The following ZRANB3 variants were observed in gnomAD, a reference collection of about 807,000 sequenced individuals.
ZRANB3 encodes zinc finger RANBP2-type containing 3.
A neutral mutation model predicts 133.8 loss-of-function variants in ZRANB3; 125 were observed. The ratio of observed to expected loss-of-function variants is 0.93; its 90% confidence interval spans 0.81 to 1.08. The LOEUF (loss-of-function observed/expected upper bound fraction) is 1.08, where lower values mean the gene tolerates loss of function less well. Ranked by LOEUF, ZRANB3 falls within the 50% of genes least tolerant of loss-of-function variation. The probability of loss-of-function intolerance (pLI) is 0.00; values close to 1 mark genes in which losing one functional copy is unlikely to be tolerated. For synonymous variants in ZRANB3, 387 were observed against 432.7 expected (o/e 0.89, Z 1.31); for missense variants, 1,229 against 1,275.5 (o/e 0.96, Z 0.56).
chr2:135,435,214 C>T (rs554181682), intron 2 of ZRANB3, among the ~76,000 whole-genome samples: 11 of 150,752 alleles, frequency 7.3e-5, no homozygotes, highest in South Asian at 2.2e-4. Context: ...CTTATCATTT[C>T]GCTCCCGCTT....
chr2:135,422,181 C>T (rs1279793096), intron 2 of ZRANB3, among the ~76,000 whole-genome samples: 2 of 152,066 alleles, frequency 1.3e-5, no homozygotes, highest in Non-Finnish European at 1.5e-5. Context: ...GTTTTCCTGA[C>T]AGCTACGTTT....
At chr2:135,511,175 A>G (rs767497937) in intron 1 of ZRANB3, 40 of 786,372 alleles carry the variant, frequency 5.1e-5, no homozygotes, top group Non-Finnish European at 8.7e-5. Context: ...GAAGGTTGTT[A>G]CTGGTCACAG....
At chr2:135,483,236 A>G (rs867510658) in intron 2 of ZRANB3, among the ~76,000 whole-genome samples, 1 of 151,940 alleles carries the variant, frequency 6.6e-6, no homozygotes, top group African/African-American at 2.4e-5. Flanking sequence ...GGCTGTGAAT[A>G]CATCTGGTCC....
chr2:135,329,735 T>C (rs1048615326), intron 6 of ZRANB3, among the ~76,000 whole-genome samples: 1 of 152,244 alleles, frequency 6.6e-6, no homozygotes, highest in African/African-American at 2.4e-5. Context: ...TTTATTTCAC[T>C]GAGCAGTGGT....
chr2:135,278,106 T>C lies in ZRANB3; in HGVS notation c.967-2351A>G, dbSNP rs897625004. On this transcript the variant is annotated intron_variant, in intron 8 of 20. Coordinates refer to ENST00000264159, the MANE Select transcript of ZRANB3 (RefSeq NM_032143.4). ...AACTGAAGGGCATGAGTTTCCAAAA[T>C]GAAAAATGGAAAAGACCCACTACGT... Among the ~76,000 whole-genome samples the C allele has an allele frequency of 1.3e-4, 20 of 151,898 alleles. 1 individual carries two copies. The highest frequency in any genetic ancestry group is 3.9e-4 in the African/African-American group (16 of 41,362).
chr2:135,340,167 G>A (rs553928294), intron 6 of ZRANB3, among the ~76,000 whole-genome samples: 7 of 149,342 alleles, frequency 4.7e-5, no homozygotes, highest in African/African-American at 1.5e-4. Context: ...GGGCAATGGC[G>A]CGATCTCGGC....
intron 2 of ZRANB3, among the ~76,000 whole-genome samples, chr2:135,400,224 A>G (rs1262246568): frequency 6.6e-6 from 1 of 152,152 alleles, no homozygotes; most frequent in Non-Finnish European, 1.5e-5. Flanking sequence ...TGGGCAACAG[A>G]GCAAGACTTC....
intron 9 of ZRANB3, among the ~76,000 whole-genome samples, chr2:135,273,189 A>AG (rs1360076104): frequency 6.7e-6 from 1 of 150,364 alleles, no homozygotes; most frequent in Non-Finnish European, 1.5e-5. Flanking sequence ...GTCTCAAAAA[A>AG]AAAAAAGAAA....
chr2:135,262,792 AG>A (rs1680028728), intron 12 of ZRANB3, among the ~76,000 whole-genome samples: 1 of 151,774 alleles, frequency 6.6e-6, no homozygotes, highest in African/African-American at 2.4e-5. Flanking sequence ...TAAAAAAATA[AG>A]AATTAAAAAA....
intron 1 of ZRANB3, among the ~76,000 whole-genome samples, chr2:135,523,831 G>A (rs1187268162): frequency 6.6e-6 from 1 of 152,190 alleles, no homozygotes; most frequent in Non-Finnish European, 1.5e-5. Flanking sequence ...ATAAACACAT[G>A]AGAGAATACA....
At chr2:135,397,454 A>G (rs2104934317) in intron 2 of ZRANB3, among the ~76,000 whole-genome samples, 1 of 151,856 alleles carries the variant, frequency 6.6e-6, no homozygotes, top group African/African-American at 2.4e-5. Context: ...ACTCAAAAAA[A>G]AAAAAAAGAA....
At chr2:135,290,259 A>G (rs1452353851) in intron 8 of ZRANB3, among the ~76,000 whole-genome samples, 1 of 152,150 alleles carries the variant, frequency 6.6e-6, no homozygotes, top group Non-Finnish European at 1.5e-5. Context: ...TAATTGTTTC[A>G]AAAGTTTGGG....
At chr2:135,271,001 G>T (rs1352653252) in intron 10 of ZRANB3, among the ~76,000 whole-genome samples, 1 of 152,106 alleles carries the variant, frequency 6.6e-6, no homozygotes, top group Non-Finnish European at 1.5e-5. Context: ...TTTTAGCAGG[G>T]CTACGTGGAA....
rs541786970 is a variant in ZRANB3 at position 135,369,506 on chromosome 2, C to T, written c.181-15878G>A. Among the ~76,000 whole-genome samples, 59 of 152,252 alleles carry T rather than the reference C, an allele frequency of 3.9e-4. No homozygotes were observed. In the South Asian group the frequency reaches 0.012, roughly 31 times the overall value. On this transcript the variant is annotated intron_variant, in intron 3 of 20. Transcript: ENST00000264159. Reference sequence around the variant, plus strand: ...TTAGATAAAGGTTAAGAGAAAGAGACACACTTTGCCTCACTATAATATATA... The same window carrying T: ...TTAGATAAAGGTTAAGAGAAAGAGATACACTTTGCCTCACTATAATATATA...
rs527476540 is a variant in ZRANB3 at position 135,213,862 on chromosome 2, A to G, written c.2495+3603T>C. Among the ~76,000 whole-genome samples the G allele has an allele frequency of 3.3e-5, 5 of 152,260 alleles. No homozygotes were observed. In the South Asian group the frequency reaches 8.3e-4, roughly 25 times the overall value. On this transcript the variant is annotated intron_variant, in intron 17 of 20. Transcript: ENST00000264159. ...ATAGGGAGATTACTGAGTGGGCCCA[A>G]TGTAATCACTTGAGCCCTTAAAAGC...
intron 3 of ZRANB3, among the ~76,000 whole-genome samples, chr2:135,381,552 G>C (rs1024457847): frequency 1.3e-5 from 2 of 152,272 alleles, no homozygotes; most frequent in South Asian, 4.2e-4. Context: ...TGCCTCTCAC[G>C]TGGGTCCCTG....
intron 5 of ZRANB3, among the ~76,000 whole-genome samples, chr2:135,346,299 A>C (rs572450617): frequency 3.2e-4 from 49 of 152,076 alleles, no homozygotes; most frequent in African/African-American, 1.2e-3. Flanking sequence ...ACGGGGTTTC[A>C]CCTTGTTAGC....
intron 6 of ZRANB3, among the ~76,000 whole-genome samples, chr2:135,331,257 T>A (rs957070288): frequency 6.6e-6 from 1 of 152,240 alleles, no homozygotes; most frequent in African/African-American, 2.4e-5. Context: ...TTCTGGTACG[T>A]TGTGCCTTTT....
chr2:135,242,899 T>A (rs945127008), intron 12 of ZRANB3, among the ~76,000 whole-genome samples: 1 of 152,212 alleles, frequency 6.6e-6, no homozygotes, highest in African/African-American at 2.4e-5. Flanking sequence ...TGTTTTTACT[T>A]ATCTGTGTCT....
Sources: allele counts gnomAD v4.1 joint callset (sites outside exome capture counted in the v4.1 genomes callset), GRCh38; gene constraint gnomAD v4.1.1; transcripts MANE v1.5; gene names NCBI Gene and HGNC (gene_info 2026-07-23, HGNC 2026-07-21).